KLHDC7B: variants seen among roughly 807,000 people sequenced by gnomAD.
KLHDC7B encodes kelch domain-containing protein 7B.
Under a neutral mutation model 0.6 loss-of-function variants are expected in KLHDC7B, and 1 was observed. The observed-to-expected ratio is 1.71, with a 90% CI of 0.61 to 8.11. The LOEUF (loss-of-function observed/expected upper bound fraction) is 8.11. Among genes scored for constraint, KLHDC7B ranks in the 30% most tolerant of loss-of-function variants. KLHDC7B has a pLI of 0.13. For synonymous variants in KLHDC7B, 462 were observed against 405.2 expected (o/e 1.14, Z -1.68); for missense variants, 993 against 894.9 (o/e 1.11, Z -1.40).
At position 50,550,262 on chromosome 22, in the gene KLHDC7B, C is replaced by T. The variant is rs150650249; in HGVS notation, c.*311C>T. 1,731 of 363,924 alleles carry T rather than the reference C, an allele frequency of 4.8e-3. 11 individuals are homozygous for T. Among genetic ancestry groups the T allele is most frequent in the South Asian group, 0.025 (259 of 10,434 alleles). The allele number at this position is 363,924 out of a possible 1,614,324, so 22.5% of individuals were successfully genotyped here. On this transcript the variant is annotated 3_prime_UTR_variant, in exon 1 of 1. Coordinates refer to ENST00000648057, the MANE Select transcript of KLHDC7B (RefSeq NM_138433.5). ...TATTCCCTAGAGCCAGGGACTGATG[C>T]GTCTCCACAGACAAGGACTTGGCTC...
Position 50,547,720 on chromosome 22 carries a change from A to G in KLHDC7B, c.1477A>G (p.Thr493Ala), listed in dbSNP as rs1569029448. ...ALASSPSSAPTSATTSTSSPT... is the reference protein window; with the variant it reads ...ALASSPSSAPASATTSTSSPT... Reference sequence around the variant, plus strand: ...GGCTTCATCCCCCAGCTCAGCACCAACCTCAGCCACCACCTCAACCTCATC... The same window carrying G: ...GGCTTCATCCCCCAGCTCAGCACCAGCCTCAGCCACCACCTCAACCTCATC... Residue 493 changes from threonine (T) to alanine (A), a missense_variant, in exon 1 of 1, where the codon ACC (threonine) becomes GCC (alanine). Physicochemically the swap from Thr to Ala is moderately conservative, Grantham distance 58. Transcript: ENST00000648057. The G allele has an allele frequency of 4.3e-6, 2 of 470,098 alleles. No homozygotes were observed. Among genetic ancestry groups the G allele is most frequent in the Non-Finnish European group, 7.5e-6 (2 of 267,232 alleles). 29.1% of individuals were successfully genotyped at this position (470,098 alleles called of 1,614,324 possible).
Position 50,550,177 on chromosome 22 carries a change from T to G in KLHDC7B, c.*226T>G. On this transcript the variant is annotated 3_prime_UTR_variant, in exon 1 of 1. Transcript: ENST00000648057. ...ACACCCAGACTGTTTCCTGACTCAA[T>G]TCCGTACCTACTTACAGACCCTCTC... is the stretch of plus-strand genomic sequence containing the variant. 6.0e-6 allele frequency: 3 copies of G among 499,338 alleles called. No individual in the cohort carries two copies. Among genetic ancestry groups the G allele is most frequent in the Non-Finnish European group, 7.2e-6 (2 of 276,758 alleles). 30.9% of individuals were successfully genotyped at this position (499,338 alleles called of 1,614,324 possible). A position where few individuals can be genotyped will look rare whatever the true frequency, so the allele number is the denominator to read the frequency against.
At position 50,547,077 on chromosome 22, in the gene KLHDC7B, A is replaced by T. The variant is rs964908731; in HGVS notation, c.834A>T (p.Thr278=). Among the ~76,000 whole-genome samples the T allele has an allele frequency of 6.6e-6, 1 of 151,358 alleles. No homozygotes were observed. Among genetic ancestry groups the T allele is most frequent in the Non-Finnish European group, 1.5e-5 (1 of 67,740 alleles). ...ALDAHARGLP[T]GPPLAQEPAL... is the part of the protein sequence containing the mutation. ...ACGCCCACGCGCGCGGCCTCCCCAC[A>T]GGACCCCCACTCGCCCAGGAGCCCG... The change falls in exon 1 of 1, where the codon ACA becomes ACT. Residue 278 remains threonine, a synonymous_variant. Transcript: ENST00000648057.
rs1198040369 is a variant in KLHDC7B, at chr22:50,548,161, A to G, written c.1918A>G (p.Ile640Val). The G allele has an allele frequency of 8.7e-6, 13 of 1,499,240 alleles. No individual in the cohort carries two copies. The highest frequency in any genetic ancestry group is 1.2e-5 in the Non-Finnish European group (13 of 1,119,150). The allele number at this position is 1,499,240 out of a possible 1,614,324, so 92.9% of individuals were successfully genotyped here. A position where few individuals can be genotyped will look rare whatever the true frequency, so the allele number is the denominator to read the frequency against. The change falls in exon 1 of 1, where the codon ATT becomes GTT. Residue 640 changes from isoleucine to valine, a missense_variant. Physicochemically the swap from Ile to Val is conservative, Grantham distance 29. Transcript: ENST00000648057. The surrounding 1 kb of genome is among the most constrained non-coding windows in gnomAD (Gnocchi z 5.3). The part of the protein sequence containing the change: ...GQVSASWGNL[I>V]AMVLRSHPFP... The stretch of plus-strand genomic sequence containing the variant: ...GGTCTCAGCCAGCTGGGGAAACCTT[A>G]TTGCCATGGTTCTTAGAAGCCACCC...
rs376228716 is a variant in KLHDC7B, at chr22:50,548,985, C to T, written c.2742C>T (p.Ser914=). ...CGGCCGACCGCGAGCGCATCCTCAG[C>T]CTGCGGACCGGCCGGGGCCGGGCGG... The part of the protein sequence containing the change: ...LSAADRERIL[S]LRTGRGRAVL... Residue 914 remains serine, a synonymous_variant, in exon 1 of 1, where the codon AGC becomes AGT. Transcript: ENST00000648057. The surrounding 1 kb of genome is among the most constrained non-coding windows in gnomAD (Gnocchi z 5.3). The T allele has an allele frequency of 1.9e-6, 3 of 1,597,998 alleles. No homozygotes were observed. The highest frequency in any genetic ancestry group is 2.6e-6 in the Non-Finnish European group (3 of 1,174,886).
chr22:50,549,070 G>A lies in KLHDC7B; in HGVS notation c.2827G>A (p.Gly943Ser). Residue 943 changes from glycine to serine, a missense_variant, in exon 1 of 1, where the codon GGC becomes AGC. By Grantham distance (56) the Gly-to-Ser change is moderately conservative. Coordinates refer to ENST00000648057, the MANE Select transcript of KLHDC7B (RefSeq NM_138433.5). The part of the protein sequence containing the change: ...YQGGRSGLPR[G>S]PRGEEPPAAA... Reference sequence around the variant, plus strand: ...GGGGGGCCGCTCAGGGCTCCCCAGGGGCCCTCGTGGCGAGGAGCCTCCTGC... The same window carrying A: ...GGGGGGCCGCTCAGGGCTCCCCAGGAGCCCTCGTGGCGAGGAGCCTCCTGC... 6.3e-7 allele frequency: 1 copy of A among 1,599,740 alleles called. No homozygotes were observed. The highest frequency in any genetic ancestry group is 8.5e-7 in the Non-Finnish European group (1 of 1,179,212).
rs930545178 is a variant in KLHDC7B at position 50,549,429 on chromosome 22, C to G, written c.1263C>G (p.Tyr421Ter). Residue 421 changes from tyrosine (Y) to a stop codon, truncating the protein, a stop_gained, in exon 1 of 1, where the codon TAC becomes TAG. Transcript: ENST00000395676. LOFTEE classifies it low-confidence loss of function (END_TRUNC). ...AATGCCTGTACAGCATGGAGTGCTA[C>G]GACCCGCGAACAGACGCCTGGACCC... 1.2e-6 allele frequency: 2 copies of G among 1,612,614 alleles called. No individual in the cohort carries two copies. Among genetic ancestry groups the G allele is most frequent in the Non-Finnish European group, 1.7e-6 (2 of 1,179,928 alleles).
rs1271071531 is a variant in KLHDC7B at position 50,549,939 on chromosome 22, G to A, written c.3696G>A (p.Gln1232=). The A allele has an allele frequency of 6.4e-7, 1 of 1,562,966 alleles. No individual in the cohort carries two copies. Among genetic ancestry groups the A allele is most frequent in the Admixed American group, 1.8e-5 (1 of 56,508 alleles). ...CTCTGCCCCCTGAGGACCGGCTGCA[G>A]ACCTCACTCTGAGTGGCAGGCAGAG... The part of the protein sequence containing the change: ...ILTLPPEDRL[Q]TSL The change falls in exon 1 of 1, where the codon CAG becomes CAA. Residue 1232 remains glutamine (Q), a synonymous_variant. Transcript: ENST00000648057.
Position 50,549,748 on chromosome 22 carries a change from G to GCCCCCCCC in KLHDC7B, c.1587_1588insCCCCCCCC (p.Ala530ProfsTer56). 5.5e-6 allele frequency: 8 copies of GCCCCCCCC among 1,447,218 alleles called. No individual in the cohort carries two copies. In the Admixed American group the frequency reaches 6.7e-5, roughly 12 times the overall value. 89.6% of individuals were successfully genotyped at this position (1,447,218 alleles called of 1,614,324 possible). On this transcript the variant is annotated frameshift_variant, in exon 1 of 1. Coordinates refer to the KLHDC7B transcript ENST00000395676. LOFTEE classifies it low-confidence loss of function (END_TRUNC). ...CAGGGCTGCCTCCCTGCCCCTGCCC[G>GCCCCCCCC]CCCCCGCCCCACTGCACTGCACCAC...
rs768987856 is a variant in KLHDC7B, at chr22:50,549,025, G to C, written c.2782G>C (p.Val928Leu). The C allele has an allele frequency of 1.9e-6, 3 of 1,596,198 alleles. No homozygotes were observed. Among genetic ancestry groups the C allele is most frequent in the Admixed American group, 1.7e-5 (1 of 59,276 alleles). The part of the protein sequence containing the change: ...GRGRAVLGVL[V>L]LPSLYQGGRS... ...GGGCCGGGCGGTGCTGGGCGTCCTCGTACTGCCCAGCCTCTACCAGGGGGG... is the reference window on the plus strand; with the variant it reads ...GGGCCGGGCGGTGCTGGGCGTCCTCCTACTGCCCAGCCTCTACCAGGGGGG... The change falls in exon 1 of 1, where the codon GTA becomes CTA. Residue 928 changes from valine to leucine, a missense_variant. Physicochemically the swap from Val to Leu is conservative, Grantham distance 32 (BLOSUM62 1). Coordinates refer to ENST00000648057, the MANE Select transcript of KLHDC7B (RefSeq NM_138433.5).
chr22:50,548,063 C>CT lies in KLHDC7B; in HGVS notation c.-104_-103insT. ...TCAGCCCCAACCCCAACCCCAGCCG[C>CT]ATCCCCTGCCCCAGCTGACGGGTCA... On this transcript the variant is annotated 5_prime_UTR_variant, in exon 1 of 1. Transcript: ENST00000395676. This position sits in a 1 kb window ranked among gnomAD's most constrained non-coding sequence, Gnocchi z 5.3. 2 of 1,325,222 alleles carry CT rather than the reference C, an allele frequency of 1.5e-6. No homozygotes were observed. Among genetic ancestry groups the CT allele is most frequent in the South Asian group, 1.8e-5 (1 of 54,950 alleles). 82.1% of individuals were successfully genotyped at this position (1,325,222 alleles called of 1,614,324 possible). A position where few individuals can be genotyped will look rare whatever the true frequency, so the allele number is the denominator to read the frequency against.
Position 50,549,060 on chromosome 22 carries a change from G to A in KLHDC7B, c.2817G>A (p.Gly939=). 8 of 1,598,334 alleles carry A rather than the reference G, an allele frequency of 5.0e-6. No individual in the cohort carries two copies. Among genetic ancestry groups the A allele is most frequent in the Non-Finnish European group, 6.8e-6 (8 of 1,178,554 alleles). Residue 939 remains glycine, a synonymous_variant, in exon 1 of 1, where the codon GGG becomes GGA. Transcript: ENST00000648057. ...LPSLYQGGRS[G]LPRGPRGEEP... ...GCCTCTACCAGGGGGGCCGCTCAGG[G>A]CTCCCCAGGGGCCCTCGTGGCGAGG... is the stretch of plus-strand genomic sequence containing the variant.
rs915909536 is a variant in KLHDC7B at position 50,548,742 on chromosome 22, G to A, written c.576G>A (p.Trp192Ter). The A allele has an allele frequency of 1.4e-6, 2 of 1,465,102 alleles. No individual in the cohort carries two copies. Among genetic ancestry groups the A allele is most frequent in the South Asian group, 1.4e-5 (1 of 70,628 alleles). The allele number at this position is 1,465,102 out of a possible 1,614,324, so 90.8% of individuals were successfully genotyped here. The change falls in exon 1 of 1, where the codon TGG (tryptophan) becomes TGA (stop). Residue 192 changes from tryptophan to a stop codon, truncating the protein, a stop_gained. Coordinates refer to the KLHDC7B transcript ENST00000395676. LOFTEE classifies it low-confidence loss of function (END_TRUNC). The surrounding 1 kb of genome is among the most constrained non-coding windows in gnomAD (Gnocchi z 5.3). ...TGTTTCTGCAGAGGCCCGGGGGTTG[G>A]GGGGTGGTGGAGGGGCCCCGGAAGC...
chr22:50,547,476 G>C lies in KLHDC7B; in HGVS notation c.1233G>C (p.Arg411=). The C allele has an allele frequency of 2.6e-6, 1 of 388,276 alleles. No individual in the cohort carries two copies. Among genetic ancestry groups the C allele is most frequent in the Non-Finnish European group, 4.6e-6 (1 of 219,656 alleles). The allele number at this position is 388,276 out of a possible 1,614,324, so 24.1% of individuals were successfully genotyped here. The change falls in exon 1 of 1, where the codon CGG becomes CGC. Residue 411 remains arginine (R), a synonymous_variant. Transcript: ENST00000648057. ...CCGGCCACAGCCGCGCGCCCTCCCGGAGCCGTGAGCCTCGCCCGCGCTCCG... is the reference window on the plus strand; with the variant it reads ...CCGGCCACAGCCGCGCGCCCTCCCGCAGCCGTGAGCCTCGCCCGCGCTCCG... ...AAAGHSRAPS[R]SREPRPRSAS...
rs756579554 is a variant in KLHDC7B at position 50,549,357 on chromosome 22, G to A, written c.3114G>A (p.Gln1038=). Reference sequence around the variant, plus strand: ...GGCCCATGCAGCAGGCCCGAGCCCAGCTCAAGCTGGTGGCCCTGGACGGGC... The same window carrying A: ...GGCCCATGCAGCAGGCCCGAGCCCAACTCAAGCTGGTGGCCCTGGACGGGC... ...QVRPMQQARA[Q]LKLVALDGLL... The change falls in exon 1 of 1, where the codon CAG becomes CAA. Residue 1038 remains glutamine, a synonymous_variant. Coordinates refer to ENST00000648057, the MANE Select transcript of KLHDC7B (RefSeq NM_138433.5). The A allele has an allele frequency of 1.9e-6, 3 of 1,612,886 alleles. No homozygotes were observed. The highest frequency in any genetic ancestry group is 1.7e-6 in the Non-Finnish European group (2 of 1,179,970).
Position 50,546,925 on chromosome 22 carries a change from C to G in KLHDC7B, c.682C>G (p.Arg228Gly), listed in dbSNP as rs532243715. The change falls in exon 1 of 1, where the codon CGG becomes GGG. Residue 228 changes from arginine (R) to glycine (G), a missense_variant. By Grantham distance (125) the Arg-to-Gly change is moderately radical. Coordinates refer to ENST00000648057, the MANE Select transcript of KLHDC7B (RefSeq NM_138433.5). Reference protein sequence around the residue: ...AGPSGSMGRGRGRRRRMDAGS... With the variant: ...AGPSGSMGRGGGRRRRMDAGS... ...GCCCTCGGGCTCGATGGGGAGAGGC[C>G]GGGGCCGGCGGCGGCGGATGGACGC... is the stretch of plus-strand genomic sequence containing the variant. Among the ~76,000 whole-genome samples, 103 of 151,950 alleles carry G rather than the reference C, an allele frequency of 6.8e-4. 1 individual carries two copies. Among genetic ancestry groups the G allele is most frequent in the African/African-American group, 2.3e-3 (97 of 41,490 alleles).
chr22:50,549,242 C>CG lies in KLHDC7B; in HGVS notation c.1082dup (p.Ile362HisfsTer226), dbSNP rs1569030438. Reference sequence around the variant, plus strand: ...ACCATGCACAACTACCTGTTTCTGGCGGGGGGCATCCGTGGCTCCGGTGCC... The same window carrying CG: ...ACCATGCACAACTACCTGTTTCTGGCGGGGGGGCATCCGTGGCTCCGGTGCC... On this transcript the variant is annotated frameshift_variant, in exon 1 of 1. Transcript: ENST00000395676. LOFTEE classifies it low-confidence loss of function (END_TRUNC). The CG allele has an allele frequency of 1.1e-5, 17 of 1,609,560 alleles. No individual in the cohort carries two copies. The highest frequency in any genetic ancestry group is 1.4e-5 in the Non-Finnish European group (16 of 1,179,936).
At position 50,548,256 on chromosome 22, in the gene KLHDC7B, C is replaced by G; in HGVS notation, c.2013C>G (p.Ser671Arg). 6.4e-7 allele frequency: 1 copy of G among 1,551,074 alleles called. No individual in the cohort carries two copies. Among genetic ancestry groups the G allele is most frequent in the Non-Finnish European group, 8.7e-7 (1 of 1,146,900 alleles). ...TTCCCGGGAGCCCCGTGGGTCCCAG[C>G]ACTTCCACACACTCTGAGGACAGAC... ...RAVPGSPVGP[S>R]TSTHSEDRHG... The change falls in exon 1 of 1, where the codon AGC becomes AGG. Residue 671 changes from serine (S) to arginine (R), a missense_variant. Transcript: ENST00000648057. This position sits in a 1 kb window ranked among gnomAD's most constrained non-coding sequence, Gnocchi z 5.3.
Position 50,550,907 on chromosome 22 carries a change from T to G in KLHDC7B, c.*956T>G. ...AACCCATGCTAGAAAAGTGAATACA[T>G]CTGACTGTGCTCCACTCCAACCTCC... On this transcript the variant is annotated 3_prime_UTR_variant, in exon 1 of 1. Coordinates refer to ENST00000648057, the MANE Select transcript of KLHDC7B (RefSeq NM_138433.5). The G allele has an allele frequency of 3.7e-6, 1 of 268,370 alleles. No individual in the cohort carries two copies. Among genetic ancestry groups the G allele is most frequent in the African/African-American group, 2.2e-5 (1 of 46,204 alleles). The allele number at this position is 268,370 out of a possible 1,614,324, so 16.6% of individuals were successfully genotyped here.
Sources: allele counts gnomAD v4.1 joint callset (sites outside exome capture counted in the v4.1 genomes callset), GRCh38; gene constraint gnomAD v4.1.1; non-coding constraint Gnocchi (gnomAD v3.1); transcripts MANE v1.5; gene names NCBI Gene and HGNC (gene_info 2026-07-23, HGNC 2026-07-21).